Variants in TNFRSF11A observed in about 807,000 individuals in gnomAD.
The protein encoded by TNFRSF11A is TNF receptor superfamily member 11a.
A neutral mutation model predicts 55.7 loss-of-function variants in TNFRSF11A; 32 were observed. The ratio of observed to expected loss-of-function variants is 0.57; its 90% CI spans 0.43 to 0.77. The LOEUF (loss-of-function observed/expected upper bound fraction) is 0.77. TNFRSF11A is among the 30% of genes least tolerant of loss of function. TNFRSF11A has a pLI of 0.00. For synonymous variants in TNFRSF11A, 311 were observed against 331.0 expected, an observed-to-expected ratio of 0.94 and a Z score of 0.65; for missense variants, 753 against 809.8, an observed-to-expected ratio of 0.93 and a Z score of 0.85.
chr18:62,384,705 G>A (rs766115720), intron 9 of TNFRSF11A, 46 bp from the exon 10 acceptor site: 6 of 1,597,316 alleles, frequency 3.8e-6, no homozygotes, highest in Non-Finnish European at 4.3e-6. Context: ...CCCTGCCTCC[G>A]GGCGCTGACT....
rs534294380 is a variant in TNFRSF11A at position 62,385,247 on chromosome 18, C to T, written c.*213C>T. 4 of 490,010 alleles carry T rather than the reference C, an allele frequency of 8.2e-6. No individual in the cohort carries two copies. The East Asian group carries it at 1.5e-4, about 18-fold the overall frequency. The allele number at this position is 490,010 out of a possible 1,614,324, so 30.4% of individuals were successfully genotyped here. A position where few individuals can be genotyped will look rare whatever the true frequency, so the allele number is the denominator to read the frequency against. On this transcript the variant is annotated 3_prime_UTR_variant, in exon 10 of 10. Transcript: ENST00000586569. ...CCATGCCCACGGATGCTCAGCAGCC[C>T]GCCGCACTGGGGCAGATGTCTCCCC...
chr18:62,359,988 T>C lies in TNFRSF11A; in HGVS notation c.555T>C (p.His185=), dbSNP rs149842577. 3.0e-5 allele frequency: 48 copies of C among 1,613,912 alleles called. No homozygotes were observed. The highest frequency in any genetic ancestry group is 2.2e-5 in the Non-Finnish European group (26 of 1,179,892). The stretch of plus-strand genomic sequence containing the variant: ...TCCTTGGAAAGAGAGTAGAACATCA[T>C]GGGACAGAGAAATCCGATGCGGTTT... ...CTFLGKRVEH[H]GTEKSDAVCS... Residue 185 remains histidine (H), a synonymous_variant, in exon 6 of 10, where the codon CAT becomes CAC. Transcript: ENST00000586569.
intron 4 of TNFRSF11A, among the ~76,000 whole-genome samples, chr18:62,357,289 C>A (rs1909327804): frequency 6.6e-6 from 1 of 152,200 alleles, no homozygotes; most frequent in African/African-American, 2.4e-5. Flanking sequence ...CACATAGTAG[C>A]CAATGTTCTT....
Position 62,384,951 on chromosome 18 carries a change from G to A in TNFRSF11A, c.1768G>A (p.Asp590Asn). ...CGCGGGGAACGGCCCGCGCTTCCCG[G>A]ACCCGTGCGGCGGCCCCGAGGGGCT... The part of the protein sequence containing the change: ...SFAGNGPRFP[D>N]PCGGPEGLRE... Residue 590 changes from aspartate to asparagine, a missense_variant, in exon 10 of 10, where the codon GAC (aspartate) becomes AAC (asparagine). Physicochemically the swap from Asp to Asn is conservative, Grantham distance 23 (BLOSUM62 1). Transcript: ENST00000586569. 1 of 1,512,060 alleles carries A rather than the reference G, an allele frequency of 6.6e-7. No individual in the cohort carries two copies. The highest frequency in any genetic ancestry group is 2.5e-5 in the East Asian group (1 of 39,740). 93.7% of individuals were successfully genotyped at this position (1,512,060 alleles called of 1,614,324 possible).
intron 1 of TNFRSF11A, among the ~76,000 whole-genome samples, chr18:62,328,663 G>C (rs573878689): frequency 7.2e-5 from 11 of 152,312 alleles, no homozygotes; most frequent in Middle Eastern, 3.4e-3. Flanking sequence ...TAGGGTGGGT[G>C]GGTGCTCTGT....
intron 9 of TNFRSF11A, among the ~76,000 whole-genome samples, chr18:62,373,226 GGT>G (rs1348777195): frequency 6.6e-6 from 1 of 152,212 alleles, no homozygotes; most frequent in Non-Finnish European, 1.5e-5. Flanking sequence ...GGGAGGCTGA[GGT>G]GGGCGGATCA....
chr18:62,325,453 C>G lies in TNFRSF11A; in HGVS notation c.75+26C>G. On this transcript the variant is annotated intron_variant, in intron 1 of 9. Coordinates refer to ENST00000586569, the MANE Select transcript of TNFRSF11A (RefSeq NM_003839.4). This position sits in a 1 kb window ranked among gnomAD's most constrained non-coding sequence, Gnocchi z 4.7. ...GTAAGGAGCGCCCGCGCCTGCCGGG[C>G]CGCGCGGCCCGACGCCTCCTCGGGA... 8.1e-7 allele frequency: 1 copy of G among 1,240,100 alleles called. No homozygotes were observed. 76.8% of individuals were successfully genotyped at this position (1,240,100 alleles called of 1,614,324 possible). A position where few individuals can be genotyped will look rare whatever the true frequency, so the allele number is the denominator to read the frequency against.
intron 1 of TNFRSF11A, among the ~76,000 whole-genome samples, chr18:62,339,607 C>T (rs1391659774): frequency 6.6e-6 from 1 of 152,322 alleles, no homozygotes; most frequent in Middle Eastern, 3.4e-3. Flanking sequence ...CAGGTCCTGC[C>T]TTCAGTCCTA....
At chr18:62,337,064 G>A (rs943555437) in intron 1 of TNFRSF11A, among the ~76,000 whole-genome samples, 6 of 152,130 alleles carry the variant, frequency 3.9e-5, no homozygotes, top group Non-Finnish European at 7.3e-5. Flanking sequence ...CTTTCAAGAC[G>A]GTGTATAAAG....
At chr18:62,349,670 T>A (rs2046436075) in intron 2 of TNFRSF11A, 142 bp from the exon 3 acceptor site, 3 of 950,134 alleles carry the variant, frequency 3.2e-6, no homozygotes, top group Non-Finnish European at 4.9e-6. Flanking sequence ...TGTCATATTG[T>A]CTTTGGGGGG....
At chr18:62,384,197 C>G (rs1911491883) in intron 9 of TNFRSF11A, among the ~76,000 whole-genome samples, 1 of 152,158 alleles carries the variant, frequency 6.6e-6, no homozygotes, top group Non-Finnish European at 1.5e-5. Flanking sequence ...AATGGTAAAG[C>G]ATGAGTCTGC....
chr18:62,338,461 C>T (rs1568473845), intron 1 of TNFRSF11A, among the ~76,000 whole-genome samples: 1 of 152,188 alleles, frequency 6.6e-6, no homozygotes, highest in Non-Finnish European at 1.5e-5. Flanking sequence ...ATGGTCTATA[C>T]ATGTGGTGGA....
At chr18:62,345,619 G>C (rs1255463828) in intron 1 of TNFRSF11A, among the ~76,000 whole-genome samples, 1 of 152,158 alleles carries the variant, frequency 6.6e-6, no homozygotes, top group Non-Finnish European at 1.5e-5. Context: ...TGATGAAAAT[G>C]TTCAGGAATT....
chr18:62,371,360 A>G (rs1910539382), intron 9 of TNFRSF11A, among the ~76,000 whole-genome samples: 1 of 151,842 alleles, frequency 6.6e-6, no homozygotes, highest in South Asian at 2.1e-4. Context: ...GCCAGATTTA[A>G]AGAGAGAGAG....
intron 4 of TNFRSF11A, among the ~76,000 whole-genome samples, chr18:62,356,166 A>G (rs1909242186): frequency 6.6e-6 from 1 of 152,222 alleles, no homozygotes; most frequent in African/African-American, 2.4e-5. Flanking sequence ...ATTTATGCCT[A>G]TTACTCATTC....
intron 9 of TNFRSF11A, among the ~76,000 whole-genome samples, chr18:62,370,479 T>TG (rs1475968577): frequency 6.6e-6 from 1 of 152,198 alleles, no homozygotes; most frequent in Non-Finnish European, 1.5e-5. Flanking sequence ...AGACTGCAAG[T>TG]GGTGCTAGCA....
intron 1 of TNFRSF11A, among the ~76,000 whole-genome samples, chr18:62,342,924 A>G (rs2145272004): frequency 6.6e-6 from 1 of 152,368 alleles, no homozygotes; most frequent in South Asian, 2.1e-4. Flanking sequence ...TGCTTCAAAG[A>G]GAAATAATTC....
At chr18:62,337,678 T>C (rs568390700) in intron 1 of TNFRSF11A, among the ~76,000 whole-genome samples, 1 of 152,216 alleles carries the variant, frequency 6.6e-6, no homozygotes, top group Non-Finnish European at 1.5e-5. Flanking sequence ...CTTCCTGTAA[T>C]CATACCACCA....
chr18:62,348,095 C>T (rs1378210458), intron 1 of TNFRSF11A, 73 bp from the exon 2 acceptor site: 9 of 1,171,032 alleles, frequency 7.7e-6, no homozygotes, highest in South Asian at 1.3e-5. Flanking sequence ...TTGGTGATTC[C>T]CTTTTTGTTT....
Sources: allele counts gnomAD v4.1 joint callset (sites outside exome capture counted in the v4.1 genomes callset), GRCh38; gene constraint gnomAD v4.1.1; non-coding constraint Gnocchi (gnomAD v3.1); transcripts MANE v1.5; gene names NCBI Gene and HGNC (gene_info 2026-07-23, HGNC 2026-07-21).